Variants in ABTB2 observed in about 807,000 individuals in gnomAD.
ABTB2 encodes the protein ankyrin repeat and BTB domain containing 2.
Under a neutral mutation model 104.1 loss-of-function variants are expected in ABTB2, and 56 were observed. The ratio of observed to expected loss-of-function variants is 0.54; its 90% CI spans 0.43 to 0.67. ABTB2 has a LOEUF of 0.67. Among genes scored for constraint, ABTB2 ranks in the 30% least tolerant of loss-of-function variants. The probability of loss-of-function intolerance (pLI) is 0.00; values close to 1 mark genes in which losing one functional copy is unlikely to be tolerated. For synonymous variants in ABTB2, 606 were observed against 608.2 expected, an observed-to-expected ratio of 1.00 and a Z score of 0.05; for missense variants, 1,279 against 1,407.7, an observed-to-expected ratio of 0.91 and a Z score of 1.46.
intron 3 of ABTB2, among the ~76,000 whole-genome samples, chr11:34,183,898 T>TAAAAAC (rs998982058): frequency 1.3e-5 from 2 of 151,950 alleles, no homozygotes; most frequent in Admixed American, 6.6e-5. Context: ...GTTTTTGTTT[T>TAAAAAC]AAAAACAAAA....
Position 34,162,558 on chromosome 11 carries a change from A to C in ABTB2, c.2218+18T>G. 1 of 1,610,790 alleles carries C rather than the reference A, an allele frequency of 6.2e-7. No homozygotes were observed. The highest frequency in any genetic ancestry group is 8.5e-7 in the Non-Finnish European group (1 of 1,178,054). The stretch of plus-strand genomic sequence containing the variant: ...TATGCATGCATGGACATGGGTGTGC[A>C]TGCCCGTGAGGCCTCACCCAGTGCC... On this transcript the variant is annotated intron_variant, in intron 10 of 16. Transcript: ENST00000435224.
intron 1 of ABTB2, among the ~76,000 whole-genome samples, chr11:34,316,895 C>G (rs912820236): frequency 1.3e-5 from 2 of 152,160 alleles, no homozygotes; most frequent in Non-Finnish European, 2.9e-5. Context: ...ACCCTGGACA[C>G]ACTAATGACC....
intron 1 of ABTB2, among the ~76,000 whole-genome samples, chr11:34,210,814 G>A (rs1286223297): frequency 1.3e-5 from 2 of 152,236 alleles, no homozygotes; most frequent in African/African-American, 4.8e-5. Flanking sequence ...TTGGCAGGGC[G>A]TCTTCTGCCA....
At chr11:34,172,329 A>C (rs1189066173) in intron 4 of ABTB2, among the ~76,000 whole-genome samples, 1 of 142,316 alleles carries the variant, frequency 7.0e-6, no homozygotes, top group African/African-American at 2.6e-5. Context: ...CCGAGATCAC[A>C]CCATTGCACT....
At chr11:34,328,689 T>A (rs907926671) in intron 1 of ABTB2, among the ~76,000 whole-genome samples, 18 of 152,222 alleles carry the variant, frequency 1.2e-4, no homozygotes, top group African/African-American at 4.3e-4. Context: ...GAACCCTTAT[T>A]GGCTCTCAAC....
At chr11:34,268,183 C>T (rs917090527) in intron 1 of ABTB2, among the ~76,000 whole-genome samples, 2 of 152,204 alleles carry the variant, frequency 1.3e-5, no homozygotes, top group Admixed American at 1.3e-4. Flanking sequence ...ATCCACCTGT[C>T]TTGGGTTCTC....
intron 1 of ABTB2, among the ~76,000 whole-genome samples, chr11:34,269,325 C>T (rs1265545213): frequency 6.6e-6 from 1 of 152,164 alleles, no homozygotes; most frequent in Non-Finnish European, 1.5e-5. Flanking sequence ...GGCAGATTTG[C>T]TGTGGTCACA....
intron 3 of ABTB2, among the ~76,000 whole-genome samples, chr11:34,186,960 A>G (rs1349771342): frequency 6.6e-6 from 1 of 152,096 alleles, no homozygotes; most frequent in Non-Finnish European, 1.5e-5. Flanking sequence ...GAAGGGATTT[A>G]CCACTCTGAG....
At chr11:34,352,032 C>T (rs1459270302) in intron 1 of ABTB2, among the ~76,000 whole-genome samples, 1 of 152,214 alleles carries the variant, frequency 6.6e-6, no homozygotes, top group Non-Finnish European at 1.5e-5. Flanking sequence ...CAGCCCTCAT[C>T]CTTCAGACTA....
At chr11:34,188,066 C>G (rs1181775973) in intron 3 of ABTB2, among the ~76,000 whole-genome samples, 2 of 152,164 alleles carry the variant, frequency 1.3e-5, no homozygotes, top group East Asian at 3.9e-4. Flanking sequence ...CATGTAGCTA[C>G]CTTATTCGCC....
At chr11:34,310,862 G>A (rs553660128) in intron 1 of ABTB2, among the ~76,000 whole-genome samples, 6 of 152,202 alleles carry the variant, frequency 3.9e-5, no homozygotes, top group African/African-American at 1.2e-4. Flanking sequence ...CTCCCCACAC[G>A]ACACACTCAA....
intron 13 of ABTB2, among the ~76,000 whole-genome samples, 176 bp downstream of exon 13, chr11:34,159,730 G>A (rs1337579496): frequency 6.6e-6 from 1 of 152,222 alleles, no homozygotes; most frequent in Non-Finnish European, 1.5e-5. Flanking sequence ...GCTGCCCTGG[G>A]TCCACCCCGT....
chr11:34,159,963 A>G lies in ABTB2; in HGVS notation c.2549T>C (p.Leu850Pro), dbSNP rs1852685762. The G allele has an allele frequency of 1.2e-6, 2 of 1,613,876 alleles. No individual in the cohort carries two copies. The highest frequency in any genetic ancestry group is 1.7e-6 in the Non-Finnish European group (2 of 1,179,954). Reference protein sequence around the residue: ...NNKEMSDVTFLVEGKLFYAHK... With the variant: ...NNKEMSDVTFPVEGKLFYAHK... ...TGCATAAAACAGCTTTCCTTCCACC[A>G]GGAAGGTCACATCTGACATCTCCTT... Residue 850 changes from leucine (L) to proline (P), a missense_variant, in exon 13 of 17, where the codon CTG (leucine) becomes CCG (proline). Physicochemically the swap from Leu to Pro is moderately conservative, Grantham distance 98. Transcript: ENST00000435224.
Position 34,170,930 on chromosome 11 carries a change from ATCC to A in ABTB2, c.1536_1538del (p.Asp513del). ...CCTGGTCATCCATGGTGTTAACCCC[ATCC>A]GGACCCAAGGCCTCGATGGCTTGGT... is the stretch of plus-strand genomic sequence containing the variant. On this transcript the variant is annotated inframe_deletion, in exon 5 of 17. Transcript: ENST00000435224. 6.2e-7 allele frequency: 1 copy of A among 1,614,174 alleles called. No individual in the cohort carries two copies. The highest frequency in any genetic ancestry group is 8.5e-7 in the Non-Finnish European group (1 of 1,180,020).
intron 1 of ABTB2, among the ~76,000 whole-genome samples, chr11:34,279,168 T>C (rs1463320220): frequency 1.3e-5 from 2 of 152,232 alleles, no homozygotes; most frequent in Admixed American, 6.5e-5. Flanking sequence ...GTGAGTGAGA[T>C]AGAATGAGCA....
Position 34,173,140 on chromosome 11 carries a change from C to T in ABTB2, c.1397+15G>A, listed in dbSNP as rs747177224. 1.9e-6 allele frequency: 3 copies of T among 1,613,450 alleles called. No homozygotes were observed. Among genetic ancestry groups the T allele is most frequent in the East Asian group, 2.2e-5 (1 of 44,886 alleles). On this transcript the variant is annotated intron_variant, in intron 4 of 16. Coordinates refer to ENST00000435224, the MANE Select transcript of ABTB2 (RefSeq NM_145804.3). ...GTCATGGATGCCGGGGCCCTCCCTC[C>T]TCCCTGGTTCATACTTGAGCTGCCG...
chr11:34,242,184 G>C (rs188893615), intron 1 of ABTB2, among the ~76,000 whole-genome samples: 2 of 152,320 alleles, frequency 1.3e-5, no homozygotes, highest in Admixed American at 6.5e-5. Context: ...TCATGCTTGT[G>C]ATGAGGCCTT....
At chr11:34,255,279 C>A (rs1195156631) in intron 1 of ABTB2, among the ~76,000 whole-genome samples, 1 of 152,130 alleles carries the variant, frequency 6.6e-6, no homozygotes, top group Non-Finnish European at 1.5e-5. Context: ...TGCCCAGGAG[C>A]CCTATCAGGA....
chr11:34,239,459 T>C (rs772925420), intron 1 of ABTB2, among the ~76,000 whole-genome samples: 20 of 152,022 alleles, frequency 1.3e-4, no homozygotes, highest in Non-Finnish European at 2.1e-4. Context: ...GCCTCCTGAG[T>C]AGCTGAGACT....
Sources: gnomAD v4.1 joint callset for allele counts (sites outside exome capture counted in the v4.1 genomes callset) on GRCh38, gnomAD v4.1.1 for gene constraint, MANE v1.5 for transcripts, NCBI Gene and HGNC (gene_info 2026-07-23, HGNC 2026-07-21) for gene names.